NR2C2: variants seen among roughly 807,000 people sequenced by gnomAD.
NR2C2 encodes nuclear receptor subfamily 2 group C member 2, also known as Nuclear hormone receptor TR4.
Under a neutral mutation model 62.9 loss-of-function variants are expected in NR2C2, and 6 were observed. The ratio of observed to expected loss-of-function variants is 0.10; its 90% CI spans 0.05 to 0.19. NR2C2 has a LOEUF of 0.19. Ranked by LOEUF, NR2C2 falls within the 10% of genes least tolerant of loss-of-function variation. The pLI is 1.00. For synonymous variants in NR2C2, 272 were observed against 273.8 expected (o/e 0.99, Z 0.07); for missense variants, 479 against 762.7 (o/e 0.63, Z 4.38).
intron 1 of NR2C2, among the ~76,000 whole-genome samples, chr3:14,995,301 A>T (rs2040800742): frequency 1.3e-5 from 2 of 149,400 alleles, no homozygotes; most frequent in South Asian, 2.1e-4. Flanking sequence ...CTAATTTCAG[A>T]ACATTTTCTT....
intron 3 of NR2C2, 48 bp from the exon 4 acceptor site, chr3:15,016,104 G>A: frequency 1.4e-6 from 2 of 1,448,680 alleles, no homozygotes; most frequent in Non-Finnish European, 1.9e-6. Context: ...GCCCGGCAGT[G>A]ATTTGATTTT....
intron 2 of NR2C2, among the ~76,000 whole-genome samples, chr3:15,012,526 G>A (rs1464766512): frequency 1.4e-5 from 2 of 144,626 alleles, no homozygotes; most frequent in Middle Eastern, 6.6e-3. Flanking sequence ...GCGTCCGGCT[G>A]GAGTTCCATT....
chr3:14,995,502 T>C (rs2040807575), intron 1 of NR2C2, among the ~76,000 whole-genome samples: 1 of 152,234 alleles, frequency 6.6e-6, no homozygotes, highest in Non-Finnish European at 1.5e-5. Context: ...TGTTGTAGCA[T>C]GTACCAGTAC....
At chr3:14,973,394 A>C (rs1299115594) in intron 1 of NR2C2, among the ~76,000 whole-genome samples, 1 of 150,780 alleles carries the variant, frequency 6.6e-6, no homozygotes, top group East Asian at 1.9e-4. Flanking sequence ...TGCCAGGCTA[A>C]TTTAAAAAAA....
At position 14,977,966 on chromosome 3, in the gene NR2C2, AG is replaced by A. The variant is rs1279112867; in HGVS notation, c.-39-25909del. Among the ~76,000 whole-genome samples the A allele has an allele frequency of 5.9e-3, 876 of 149,678 alleles. 7 individuals carry two copies. The highest frequency in any genetic ancestry group is 0.016 in the African/African-American group (653 of 40,546). On this transcript the variant is annotated intron_variant, in intron 1 of 13. Coordinates refer to ENST00000425241, the MANE Select transcript of NR2C2 (RefSeq NM_001291694.2). ...TCTGCCTCAAAAAAAAAAAAAAAGA[AG>A]AAGAAGAAGAAGAACAGACTTCAGC...
intron 11 of NR2C2, 128 bp from the exon 12 acceptor site, chr3:15,037,872 A>G: frequency 9.9e-7 from 1 of 1,009,306 alleles, no homozygotes. Flanking sequence ...GCTCTTGTTC[A>G]CCTTGAGATT....
In NR2C2 at chr3:14,985,823, A is replaced by G. The variant is rs1311425967; in HGVS notation, c.-39-18053A>G. ...AGATTTTCTCAAGCATAAATAGTACAGTGATGGACATCTTTATATATGCCT... is the reference window on the plus strand; with the variant it reads ...AGATTTTCTCAAGCATAAATAGTACGGTGATGGACATCTTTATATATGCCT... On this transcript the variant is annotated intron_variant, in intron 1 of 13. Transcript: ENST00000425241. Among the ~76,000 whole-genome samples the G allele has an allele frequency of 2.0e-5, 3 of 152,308 alleles. No individual in the cohort carries two copies. The East Asian group carries it at 5.8e-4, about 29-fold the overall frequency.
intron 1 of NR2C2, among the ~76,000 whole-genome samples, chr3:14,995,113 C>A (rs987220984): frequency 1.7e-4 from 25 of 150,600 alleles, no homozygotes; most frequent in Non-Finnish European, 4.4e-5. Flanking sequence ...AGTCTCCCAC[C>A]TCAGCCTCCT....
intron 1 of NR2C2, among the ~76,000 whole-genome samples, chr3:14,981,116 A>C (rs933484808): frequency 1.3e-5 from 2 of 152,244 alleles, no homozygotes; most frequent in African/African-American, 4.8e-5. Context: ...AATAATAGCT[A>C]TTAAACTTTG....
intron 1 of NR2C2, among the ~76,000 whole-genome samples, chr3:14,983,968 A>G (rs2040446538): frequency 6.6e-6 from 1 of 152,222 alleles, no homozygotes; most frequent in East Asian, 1.9e-4. Flanking sequence ...GGCTCACTGC[A>G]ACCTCCACCT....
chr3:14,974,464 A>G (rs1200198129), intron 1 of NR2C2, among the ~76,000 whole-genome samples: 2 of 152,188 alleles, frequency 1.3e-5, no homozygotes, highest in South Asian at 4.1e-4. Context: ...GAGTTTGTAG[A>G]TGGCTTTGGA....
intron 1 of NR2C2, among the ~76,000 whole-genome samples, chr3:14,965,505 A>G (rs911693627): frequency 2.2e-5 from 3 of 135,782 alleles, no homozygotes; most frequent in African/African-American, 5.7e-5. Flanking sequence ...ACTTAGTACA[A>G]CTGTTGTTTC....
chr3:14,993,631 A>G lies in NR2C2; in HGVS notation c.-39-10245A>G, dbSNP rs140975675. On this transcript the variant is annotated intron_variant, in intron 1 of 13. Transcript: ENST00000425241. ...CAGCTGCCTCTGGTGCCACTAGAACATACCTTTTTTCTAATGGCTTCAGGA... is the reference window on the plus strand; with the variant it reads ...CAGCTGCCTCTGGTGCCACTAGAACGTACCTTTTTTCTAATGGCTTCAGGA... Among the ~76,000 whole-genome samples, 297 of 152,108 alleles carry G rather than the reference A, an allele frequency of 2.0e-3. 1 individual carries two copies. Among genetic ancestry groups the G allele is most frequent in the African/African-American group, 6.4e-3 (265 of 41,462 alleles).
At chr3:14,991,668 G>A (rs2040673874) in intron 1 of NR2C2, among the ~76,000 whole-genome samples, 1 of 150,866 alleles carries the variant, frequency 6.6e-6, no homozygotes, top group South Asian at 2.1e-4. Context: ...TCCAGAATAA[G>A]TTATAGATTT....
chr3:15,029,898 AAAG>A (rs2041931844), intron 8 of NR2C2, among the ~76,000 whole-genome samples: 2 of 152,000 alleles, frequency 1.3e-5, no homozygotes, highest in Admixed American at 6.6e-5. Context: ...GACAAAGAGA[AAAG>A]GAAGGAAGGA....
At chr3:15,020,320 A>C (rs904269012) in intron 4 of NR2C2, among the ~76,000 whole-genome samples, 3 of 152,214 alleles carry the variant, frequency 2.0e-5, no homozygotes, top group Non-Finnish European at 4.4e-5. Context: ...CCACACATGC[A>C]CGTGTTTGCT....
At chr3:14,959,048 C>T (rs1238537223) in intron 1 of NR2C2, 2 of 152,220 alleles carry the variant, frequency 1.3e-5, no homozygotes, top group African/African-American at 4.8e-5. Flanking sequence ...ACCCACTGTT[C>T]CTTGGAGCCT....
intron 1 of NR2C2, among the ~76,000 whole-genome samples, chr3:14,982,729 T>C (rs1193184770): frequency 2.0e-5 from 3 of 152,174 alleles, no homozygotes; most frequent in Non-Finnish European, 4.4e-5. Context: ...TTAATGACAG[T>C]CTTATCTTTT....
At chr3:14,983,464 C>T (rs1050014679) in intron 1 of NR2C2, among the ~76,000 whole-genome samples, 2 of 133,956 alleles carry the variant, frequency 1.5e-5, no homozygotes, top group African/African-American at 6.4e-5. Flanking sequence ...ACTCTTTATA[C>T]ACACACACAC....
Sources: allele counts gnomAD v4.1 joint callset (sites outside exome capture counted in the v4.1 genomes callset), GRCh38; gene constraint gnomAD v4.1.1; transcripts MANE v1.5; gene names NCBI Gene and HGNC (gene_info 2026-07-23, HGNC 2026-07-21).